The following HOOK2 variants were observed in gnomAD, a reference collection of about 807,000 sequenced individuals.
The protein encoded by HOOK2 is protein Hook homolog 2.
In HOOK2, 108 loss-of-function variants were observed where a neutral mutation model predicts 111.9. That is an observed-to-expected ratio of 0.96 (90% confidence interval 0.83 to 1.13). The LOEUF (loss-of-function observed/expected upper bound fraction) is 1.13, where lower values mean the gene tolerates loss of function less well. Among genes scored for constraint, HOOK2 ranks in the 50% most tolerant of loss-of-function variants. The pLI is 0.00. For synonymous variants in HOOK2, 405 were observed against 394.3 expected, an observed-to-expected ratio of 1.03 and a Z score of -0.32; for missense variants, 978 against 951.3, an observed-to-expected ratio of 1.03 and a Z score of -0.37.
intron 11 of HOOK2, 105 bp downstream of exon 11, chr19:12,769,776 A>G (rs1292642702): frequency 7.7e-6 from 7 of 906,220 alleles, no homozygotes; most frequent in Non-Finnish European, 9.1e-6. Flanking sequence ...AGCGTGGCCT[A>G]CGTACAAATA....
Position 12,791,753 on chromosome 19 carries a change from G to A in HOOK2, n.42-17528C>T. The A allele has an allele frequency of 6.3e-7, 1 of 1,579,504 alleles. No individual in the cohort carries two copies. Among genetic ancestry groups the A allele is most frequent in the Non-Finnish European group, 8.6e-7 (1 of 1,159,154 alleles). Reference sequence around the variant, plus strand: ...AGCGGCCCCGCAGGGACCCTCCCCAGACCGCCTGGGCCGCCCGGATGTGCA... The same window carrying A: ...AGCGGCCCCGCAGGGACCCTCCCCAAACCGCCTGGGCCGCCCGGATGTGCA... On this transcript the variant is annotated intron_variant and non_coding_transcript_variant, in intron 3 of 3. Transcript: ENST00000589765. This position sits in a 1 kb window ranked among gnomAD's most constrained non-coding sequence, Gnocchi z 7.0.
chr19:12,768,269 G>GT (rs1012435971), intron 11 of HOOK2, 146 bp from the exon 12 acceptor site: 328 of 652,676 alleles, frequency 5.0e-4, no homozygotes, highest in Middle Eastern at 1.7e-3. Flanking sequence ...GTTTTTGCTT[G>GT]TTTTTTTTAG....
At chr19:12,775,182 C>T (rs1358180691) in intron 1 of HOOK2, 1 of 984,910 alleles carries the variant, frequency 1.0e-6, no homozygotes, top group East Asian at 1.1e-4. Context: ...TGTGTCCTCG[C>T]CCCACGTGAA....
chr19:12,778,456 C>G (rs537403186), upstream of HOOK2: 1 of 152,270 alleles, frequency 6.6e-6, no homozygotes, highest in Non-Finnish European at 1.5e-5. Context: ...GGACAAGGGC[C>G]GGCAGCGCTG....
At chr19:12,773,227 GTTTCTTTTT>G in intron 3 of HOOK2, 183 bp from the exon 4 acceptor site, 1 of 283,634 alleles carries the variant, frequency 3.5e-6, no homozygotes. Context: ...GACCATCTTT[GTTTCTTTTT>G]TTTTTTTTTT....
At position 12,791,036 on chromosome 19, in the gene HOOK2, C is replaced by A. The variant is rs1968706630; in HGVS notation, n.42-16811G>T. Among the ~76,000 whole-genome samples, 1 of 152,186 alleles carries A rather than the reference C, an allele frequency of 6.6e-6. No individual in the cohort carries two copies. Among genetic ancestry groups the A allele is most frequent in the Non-Finnish European group, 1.5e-5 (1 of 68,034 alleles). On this transcript the variant is annotated intron_variant and non_coding_transcript_variant, in intron 3 of 3. Coordinates refer to the HOOK2 transcript ENST00000589765. The surrounding 1 kb of genome is among the most constrained non-coding windows in gnomAD (Gnocchi z 7.0). Reference sequence around the variant, plus strand: ...AACCCTCCCGATTTACAGTGCTTAACCCTCATTTCTGCTTTTTGGGGTCTC... The same window carrying A: ...AACCCTCCCGATTTACAGTGCTTAAACCTCATTTCTGCTTTTTGGGGTCTC...
At chr19:12,765,523 G>T in intron 18 of HOOK2, 167 bp downstream of exon 18, 1 of 900,110 alleles carries the variant, frequency 1.1e-6, no homozygotes. Context: ...CAAAGCGGGT[G>T]GATCATCTGG....
chr19:12,769,513 C>A (rs1486498377), intron 11 of HOOK2, among the ~76,000 whole-genome samples: 1 of 152,216 alleles, frequency 6.6e-6, no homozygotes, highest in Admixed American at 6.5e-5. Flanking sequence ...ACCTCGAAAT[C>A]CTGGGCTCAA....
Position 12,764,933 on chromosome 19 carries a change from G to A in HOOK2, c.1724-16C>T. 6.2e-7 allele frequency: 1 copy of A among 1,613,900 alleles called. No individual in the cohort carries two copies. The highest frequency in any genetic ancestry group is 8.5e-7 in the Non-Finnish European group (1 of 1,179,940). ...CGCCGGGCTGCTGGCGGAAGAGGTGGCCCATCAGCTCCACGCTGCTGGGCT... is the reference window on the plus strand; with the variant it reads ...CGCCGGGCTGCTGGCGGAAGAGGTGACCCATCAGCTCCACGCTGCTGGGCT... On this transcript the variant is annotated splice_polypyrimidine_tract_variant and intron_variant, in intron 19 of 22. Transcript: ENST00000397668.
At chr19:12,770,609 A>T (rs959976435) in intron 10 of HOOK2, among the ~76,000 whole-genome samples, 1 of 147,168 alleles carries the variant, frequency 6.8e-6, no homozygotes, top group East Asian at 2.1e-4. Flanking sequence ...TGAAGCCCAA[A>T]CTGTGCAGTG....
At chr19:12,775,555 A>AGCGCC (rs1444336076), upstream of HOOK2, 8 of 1,190,836 alleles carry the variant, frequency 6.7e-6, no homozygotes, top group African/African-American at 9.8e-5. Context: ...CTCGGCCTAG[A>AGCGCC]GCGCCGCCCC....
chr19:12,770,182 G>A (rs1599489284), intron 10 of HOOK2, 100 bp from the exon 11 acceptor site: 1 of 1,097,190 alleles, frequency 9.1e-7, no homozygotes, highest in African/African-American at 1.7e-5. Context: ...TTCAGCCTGA[G>A]GCTTTTGGGT....
chr19:12,787,694 G>A (rs1968670895), intron 3 of HOOK2, among the ~76,000 whole-genome samples: 1 of 151,732 alleles, frequency 6.6e-6, no homozygotes, highest in Admixed American at 6.6e-5. Context: ...CCTCCCCCTC[G>A]GCCTCCCAAA....
At chr19:12,775,738 C>G, upstream of HOOK2, 1 of 331,364 alleles carries the variant, frequency 3.0e-6, no homozygotes, top group Middle Eastern at 8.5e-4. Context: ...CTTGTGCATC[C>G]GAGGGTGGTC....
chr19:12,769,585 T>G (rs543932486), intron 11 of HOOK2, among the ~76,000 whole-genome samples: 1 of 152,164 alleles, frequency 6.6e-6, no homozygotes, highest in Non-Finnish European at 1.5e-5. Context: ...TTATGCATTT[T>G]AGGATATTTT....
At position 12,770,966 on chromosome 19, in the gene HOOK2, C is replaced by G; in HGVS notation, c.868G>C (p.Ala290Pro). 2 of 1,608,922 alleles carry G rather than the reference C, an allele frequency of 1.2e-6. No homozygotes were observed. The change falls in exon 10 of 23, where the codon GCA becomes CCA. Residue 290 changes from alanine (A) to proline (P), a missense_variant. Transcript: ENST00000397668. ...NQALTSLAQE[A>P]QALKDEMDEL... ...TCCATCTCATCCTTCAGGGCCTGTG[C>G]CTCCTGGGCCAGGCTAGTCAGCGCC...
upstream of HOOK2, chr19:12,775,571 G>GC (rs968658209): frequency 9.8e-3 from 7,178 of 730,264 alleles, 219 homozygotes; most frequent in African/African-American, 0.2. Context: ...GCCCCGCCCC[G>GC]CCCCCCTAGG....
chr19:12,787,645 AAAAC>A (rs1337744376), intron 3 of HOOK2, among the ~76,000 whole-genome samples: 2 of 151,896 alleles, frequency 1.3e-5, no homozygotes, highest in Non-Finnish European at 2.9e-5. Context: ...AAAACAAAAC[AAAAC>A]AAACAATAAA....
In HOOK2 at chr19:12,772,997, C is replaced by G; in HGVS notation, c.252G>C (p.Gln84His). The stretch of plus-strand genomic sequence containing the variant: ...GAATCCCTTTACAGTTACTCACATC[C>G]TGGGAGTACTCTACTAGGCTCCGTA... ...MVLRSLVEYS[Q>H]DVLAHPVSEE... Residue 84 changes from glutamine (Q) to histidine (H), a missense_variant, in exon 4 of 23, where the codon CAG becomes CAC. Gln to His is a conservative substitution (Grantham distance 24). This residue lies in a region of HOOK2 where 301 missense variants were observed against 286.1 expected (regional missense o/e 1.05). Transcript: ENST00000397668. 6.2e-7 allele frequency: 1 copy of G among 1,614,072 alleles called. No individual in the cohort carries two copies. The highest frequency in any genetic ancestry group is 8.5e-7 in the Non-Finnish European group (1 of 1,179,960).
Sources: allele counts gnomAD v4.1 joint callset (sites outside exome capture counted in the v4.1 genomes callset), GRCh38; gene constraint gnomAD v4.1.1; regional missense constraint gnomAD v4.1.1; non-coding constraint Gnocchi (gnomAD v3.1); transcripts MANE v1.5; gene names NCBI Gene and HGNC (gene_info 2026-07-23, HGNC 2026-07-21).